The following GNB5 variants were observed in gnomAD, a reference collection of about 807,000 sequenced individuals.
The protein encoded by GNB5 is G protein subunit beta 5, also known as guanine nucleotide-binding protein subunit beta-5.
GNB5 carries 37 observed loss-of-function variants against 55.3 expected under a neutral mutation model. The observed-to-expected ratio is 0.67, with a 90% CI of 0.51 to 0.88. The LOEUF (loss-of-function observed/expected upper bound fraction) is 0.88. Among genes scored for constraint, GNB5 ranks in the 40% least tolerant of loss-of-function variants. The probability of loss-of-function intolerance (pLI) is 0.00; values close to 1 mark genes in which losing one functional copy is unlikely to be tolerated. For synonymous variants in GNB5, 219 were observed against 198.5 expected, an observed-to-expected ratio of 1.10 and a Z score of -0.87; for missense variants, 476 against 515.3, an observed-to-expected ratio of 0.92 and a Z score of 0.74.
chr15:52,176,034 G>A (rs2034643363), intron 3 of GNB5, among the ~76,000 whole-genome samples: 1 of 151,910 alleles, frequency 6.6e-6, no homozygotes, highest in African/African-American at 2.4e-5. Flanking sequence ...GGGCAACAGA[G>A]CCAGACTCCA....
Position 52,118,973 on chromosome 15 carries a change from A to G in GNB5, c.*3784T>C, listed in dbSNP as rs2033198955. On this transcript the variant is annotated 3_prime_UTR_variant, in exon 13 of 13. Coordinates refer to ENST00000261837, the MANE Select transcript of GNB5 (RefSeq NM_016194.4). Reference sequence around the variant, plus strand: ...AACTGATGAGAATTACTAATTTGCTATATGAGTGGGGGCTGCCTATGGATG... The same window carrying G: ...AACTGATGAGAATTACTAATTTGCTGTATGAGTGGGGGCTGCCTATGGATG... The G allele has an allele frequency of 6.8e-6, 1 of 146,730 alleles. No homozygotes were observed. Among genetic ancestry groups the G allele is most frequent in the South Asian group, 2.3e-4 (1 of 4,318 alleles). 9.1% of individuals were successfully genotyped at this position (146,730 alleles called of 1,614,324 possible). A position where few individuals can be genotyped will look rare whatever the true frequency, so the allele number is the denominator to read the frequency against.
intron 1 of GNB5, among the ~76,000 whole-genome samples, chr15:52,190,501 A>T (rs896914528): frequency 6.6e-6 from 1 of 152,212 alleles, no homozygotes; most frequent in Admixed American, 6.5e-5. Context: ...ACATATAAAA[A>T]GGTGCTCATT....
rs2034418514 is a variant in GNB5 at position 52,164,850 on chromosome 15, T to C, written c.239-10774A>G. The stretch of plus-strand genomic sequence containing the variant: ...TCTATAGCAAAGGCACAGAACTGGG[T>C]TGAGGCTGAGATAGAGGAAGTGACA... On this transcript the variant is annotated intron_variant, in intron 3 of 12. Transcript: ENST00000261837. 2.0e-5 allele frequency among the ~76,000 whole-genome samples: 3 copies of C among 151,798 alleles called. No individual in the cohort carries two copies. In the South Asian group the frequency reaches 6.2e-4, roughly 32 times the overall value.
At chr15:52,124,805 C>G in intron 11 of GNB5, 166 bp from the exon 12 acceptor site, 1 of 604,112 alleles carries the variant, frequency 1.7e-6, no homozygotes, top group Non-Finnish European at 3.0e-6. Flanking sequence ...AGTCCCTGTC[C>G]CTGTTGGAGG....
intron 3 of GNB5, among the ~76,000 whole-genome samples, chr15:52,175,457 G>T (rs1363003478): frequency 1.3e-5 from 2 of 152,180 alleles, no homozygotes; most frequent in Non-Finnish European, 2.9e-5. Flanking sequence ...AAATCTGTCA[G>T]GCCAGGCACA....
intron 7 of GNB5, chr15:52,139,834 C>A (rs1376929068): frequency 5.5e-6 from 7 of 1,274,522 alleles, no homozygotes; most frequent in Non-Finnish European, 7.1e-6. Context: ...CCCTTTCATC[C>A]CCAACCCTGC....
At chr15:52,136,157 CACACACACACACA>C (rs2033712814) in intron 7 of GNB5, among the ~76,000 whole-genome samples, 2 of 134,906 alleles carry the variant, frequency 1.5e-5, no homozygotes. Context: ...CACACACACA[CACACACACACACA>C]CACCCTACCT....
intron 2 of GNB5, among the ~76,000 whole-genome samples, chr15:52,182,639 A>G (rs1413148921): frequency 9.2e-5 from 14 of 152,062 alleles, no homozygotes; most frequent in Admixed American, 7.9e-4. Context: ...ATAAAGGGTC[A>G]CTCCTATTCA....
chr15:52,142,107 C>T (rs1329437001), intron 6 of GNB5, among the ~76,000 whole-genome samples: 3 of 152,172 alleles, frequency 2.0e-5, no homozygotes, highest in Non-Finnish European at 4.4e-5. Context: ...TATCAAGGTG[C>T]TACTGTGTAC....
At position 52,133,422 on chromosome 15, in the gene GNB5, G is replaced by C. The variant is rs112657560; in HGVS notation, c.819C>G (p.Cys273Trp). Residue 273 changes from cysteine (C) to tryptophan (W), a missense_variant, in exon 9 of 13, where the codon TGC becomes TGG. By Grantham distance (215) the Cys-to-Trp change is radical. Transcript: ENST00000261837. ...AMVWDMRSGQ[C>W]VQAFETHESD... The stretch of plus-strand genomic sequence containing the variant: ...ATTCATGTGTTTCAAAGGCCTGCAC[G>C]CACTGGCCGGAGCGCATGTCCCACA... 6.2e-7 allele frequency: 1 copy of C among 1,612,966 alleles called. No individual in the cohort carries two copies. The highest frequency in any genetic ancestry group is 1.1e-5 in the South Asian group (1 of 91,064).
At chr15:52,184,285 T>C (rs755152810) in intron 2 of GNB5, among the ~76,000 whole-genome samples, 11 of 152,232 alleles carry the variant, frequency 7.2e-5, no homozygotes, top group Non-Finnish European at 1.3e-4. Context: ...TTAGCATTCC[T>C]ATTTGCAGAT....
intron 7 of GNB5, among the ~76,000 whole-genome samples, chr15:52,136,365 G>A (rs189609264): frequency 6.5e-4 from 99 of 152,308 alleles, no homozygotes; most frequent in South Asian, 1.5e-3. Context: ...AGTGTTCCGT[G>A]AGTCTCTACT....
In GNB5 at chr15:52,151,101, C is replaced by G. The variant is rs576690590; in HGVS notation, c.376-1176G>C. ...TCAAATTTGGTGGTTTGGGGGCCTT[C>G]TGAGATTCCAAAGCACATTGGTTCT... is the stretch of plus-strand genomic sequence containing the variant. On this transcript the variant is annotated intron_variant, in intron 4 of 12. Coordinates refer to ENST00000261837, the MANE Select transcript of GNB5 (RefSeq NM_016194.4). Among the ~76,000 whole-genome samples the G allele has an allele frequency of 1.8e-4, 27 of 152,338 alleles. No homozygotes were observed. The South Asian group carries it at 4.8e-3, about 27-fold the overall frequency.
intron 7 of GNB5, chr15:52,138,297 C>G (rs569927262): frequency 4.6e-6 from 1 of 219,540 alleles, no homozygotes; most frequent in Admixed American, 5.3e-5. Flanking sequence ...GCACTAGAAT[C>G]GCTTGAACCT....
At chr15:52,122,795 T>C in intron 12 of GNB5, 27 bp from the exon 13 acceptor site, 3 of 1,584,756 alleles carry the variant, frequency 1.9e-6, no homozygotes, top group South Asian at 1.1e-5. Context: ...AGATAGTTTT[T>C]AGACCTTTGT....
intron 4 of GNB5, among the ~76,000 whole-genome samples, chr15:52,150,393 C>T (rs1035244942): frequency 6.6e-6 from 1 of 152,188 alleles, no homozygotes; most frequent in Non-Finnish European, 1.5e-5. Flanking sequence ...AGTCCATGGT[C>T]CCTGCGGCAC....
At chr15:52,178,912 C>T (rs1003328288) in intron 3 of GNB5, among the ~76,000 whole-genome samples, 2 of 152,182 alleles carry the variant, frequency 1.3e-5, no homozygotes, top group African/African-American at 4.8e-5. Context: ...GAGATGCCAC[C>T]CTCAGAGCTC....
intron 11 of GNB5, chr15:52,125,724 T>A: frequency 2.0e-6 from 1 of 495,890 alleles, no homozygotes; most frequent in African/African-American, 1.9e-5. Flanking sequence ...CAGCATTAGG[T>A]GGGTACACAG....
At chr15:52,149,583 T>C in intron 5 of GNB5, 1 of 592,276 alleles carries the variant, frequency 1.7e-6, no homozygotes, top group African/African-American at 1.9e-5. Flanking sequence ...AGACAAATAG[T>C]ACATGCAGTT....
Sources: allele counts gnomAD v4.1 joint callset (sites outside exome capture counted in the v4.1 genomes callset), GRCh38; gene constraint gnomAD v4.1.1; transcripts MANE v1.5; gene names NCBI Gene and HGNC (gene_info 2026-07-23, HGNC 2026-07-21).